The following HMGB1 variants were observed in gnomAD, a reference collection of about 807,000 sequenced individuals.
HMGB1 encodes the protein high mobility group protein B1.
For missense variants in HMGB1, 79 were observed against 253.5 expected (o/e 0.31, Z 4.67); for synonymous variants, 81 against 84.0 (o/e 0.96, Z 0.19).
rs372669888 is a variant in HMGB1 at position 30,519,469 on chromosome 13, G to A, written c.-14-55775C>T. Among the ~76,000 whole-genome samples, 1,388 of 151,532 alleles carry A rather than the reference G, an allele frequency of 9.2e-3. 12 individuals are homozygous for A. Among genetic ancestry groups the A allele is most frequent in the Non-Finnish European group, 0.014 (955 of 67,858 alleles). ...CCAGCACTTTGGGAGGCCAAGGTGG[G>A]CGGATCACGAGGTCAGGAGATCGAG... On this transcript the variant is annotated intron_variant, in intron 1 of 4. Coordinates refer to the HMGB1 transcript ENST00000405805.
At chr13:30,467,541 A>T (rs1488860512), upstream of HMGB1, among the ~76,000 whole-genome samples, 1 of 152,252 alleles carries the variant, frequency 6.6e-6, no homozygotes, top group African/African-American at 2.4e-5. Flanking sequence ...AGAGGATATA[A>T]ATTGGTATAC....
chr13:30,558,143 G>A (rs1475179422), intron 1 of HMGB1, among the ~76,000 whole-genome samples: 2 of 152,034 alleles, frequency 1.3e-5, no homozygotes, highest in Non-Finnish European at 2.9e-5. Context: ...GCTGCTTCTT[G>A]TGTTTCCCTT....
chr13:30,485,128 T>C (rs559757095), intron 1 of HMGB1, among the ~76,000 whole-genome samples: 2 of 149,496 alleles, frequency 1.3e-5, no homozygotes, highest in Admixed American at 1.4e-4. Context: ...ACCTCCCGGG[T>C]TCAAGTGGTT....
intron 1 of HMGB1, among the ~76,000 whole-genome samples, chr13:30,484,210 G>T (rs989623986): frequency 1.3e-5 from 2 of 152,064 alleles, no homozygotes; most frequent in African/African-American, 2.4e-5. Flanking sequence ...TGTCTCCAGG[G>T]CCAGGGTCTG....
chr13:30,508,376 G>T (rs895759492), intron 1 of HMGB1, among the ~76,000 whole-genome samples: 4 of 152,056 alleles, frequency 2.6e-5, no homozygotes, highest in African/African-American at 7.2e-5. Flanking sequence ...GCTGGGCGTG[G>T]GGGTGTATGC....
intron 1 of HMGB1, among the ~76,000 whole-genome samples, chr13:30,567,374 TCA>T (rs1870230298): frequency 6.7e-6 from 1 of 148,626 alleles, no homozygotes; most frequent in African/African-American, 2.5e-5. Context: ...AGAATGAATC[TCA>T]CTCTGTCACC....
chr13:30,565,368 G>C (rs984897960), intron 1 of HMGB1, among the ~76,000 whole-genome samples: 5 of 152,270 alleles, frequency 3.3e-5, no homozygotes, highest in South Asian at 4.1e-4. Context: ...TAATTTTGGA[G>C]GTTCTAAATC....
intron 1 of HMGB1, among the ~76,000 whole-genome samples, chr13:30,587,952 G>A (rs1218481924): frequency 1.3e-5 from 2 of 152,118 alleles, no homozygotes; most frequent in South Asian, 4.1e-4. Flanking sequence ...GAGAATGGAA[G>A]GCTCTTCTTC....
intron 1 of HMGB1, among the ~76,000 whole-genome samples, chr13:30,578,368 CTTTTT>C (rs60947686): frequency 1.7e-5 from 1 of 59,310 alleles, no homozygotes; most frequent in Non-Finnish European, 3.2e-5. Flanking sequence ...AGTTCTTGTT[CTTTTT>C]TTTTTTTTTT....
chr13:30,584,920 G>A (rs1442092803), intron 1 of HMGB1, among the ~76,000 whole-genome samples: 1 of 152,142 alleles, frequency 6.6e-6, no homozygotes, highest in African/African-American at 2.4e-5. Context: ...GGCCGAGGAG[G>A]GAGGATCACT....
chr13:30,468,315 G>T (rs11842871), upstream of HMGB1, among the ~76,000 whole-genome samples: 29,611 of 152,112 alleles, frequency 0.19, 3,442 homozygotes, highest in Non-Finnish European at 0.25. Flanking sequence ...GAGTGCAGCG[G>T]TGCAATCTCG....
At chr13:30,482,019 G>A (rs900720912) in intron 1 of HMGB1, among the ~76,000 whole-genome samples, 1 of 151,978 alleles carries the variant, frequency 6.6e-6, no homozygotes, top group African/African-American at 2.4e-5. Context: ...TAGTAGAAAC[G>A]GGGTTTCACC....
At chr13:30,544,191 C>T (rs182791949) in intron 1 of HMGB1, among the ~76,000 whole-genome samples, 6 of 152,372 alleles carry the variant, frequency 3.9e-5, no homozygotes, top group Non-Finnish European at 8.8e-5. Context: ...AACCACTCCT[C>T]ACCTCAGAAT....
chr13:30,493,552 T>C (rs1000271449), intron 1 of HMGB1, among the ~76,000 whole-genome samples: 4 of 152,148 alleles, frequency 2.6e-5, no homozygotes, highest in African/African-American at 9.7e-5. Flanking sequence ...CCTAGCACTT[T>C]GGAGGCCAAA....
intron 1 of HMGB1, among the ~76,000 whole-genome samples, chr13:30,604,602 CTT>C (rs1950436391): frequency 6.6e-6 from 1 of 152,212 alleles, no homozygotes; most frequent in Admixed American, 6.5e-5. Context: ...TAGAATGTAG[CTT>C]GGATTGAGAT....
intron 1 of HMGB1, among the ~76,000 whole-genome samples, chr13:30,566,141 T>C (rs903003573): frequency 6.6e-6 from 1 of 152,190 alleles, no homozygotes; most frequent in African/African-American, 2.4e-5. Context: ...GCTTGGCTGC[T>C]ACTAAGTTTG....
upstream of HMGB1, among the ~76,000 whole-genome samples, chr13:30,470,449 A>C (rs1886893589): frequency 6.6e-6 from 1 of 152,212 alleles, no homozygotes; most frequent in Admixed American, 6.5e-5. Flanking sequence ...TAACTTAAAA[A>C]GGGAGAGGCA....
intron 1 of HMGB1, among the ~76,000 whole-genome samples, chr13:30,496,992 A>C (rs1047516967): frequency 1.3e-5 from 2 of 152,050 alleles, no homozygotes; most frequent in Admixed American, 1.3e-4. Flanking sequence ...ATTCCTCTAC[A>C]CACGAAAGCC....
At chr13:30,587,118 C>T (rs1473869865) in intron 1 of HMGB1, among the ~76,000 whole-genome samples, 1 of 152,168 alleles carries the variant, frequency 6.6e-6, no homozygotes, top group Non-Finnish European at 1.5e-5. Flanking sequence ...AGGGCTTCCT[C>T]TTGTGCTCCC....
Sources: gnomAD v4.1 joint callset for allele counts (sites outside exome capture counted in the v4.1 genomes callset) on GRCh38, gnomAD v4.1.1 for gene constraint, MANE v1.5 for transcripts, NCBI Gene and HGNC (gene_info 2026-07-23, HGNC 2026-07-21) for gene names.